Variants in PRKACB observed in about 807,000 individuals in gnomAD.
PRKACB encodes protein kinase cAMP-activated catalytic subunit beta.
A neutral mutation model predicts 51.4 loss-of-function variants in PRKACB; 16 were observed. The observed-to-expected ratio is 0.31, with a 90% CI of 0.21 to 0.47. The LOEUF is 0.47. PRKACB is among the 20% of genes least tolerant of loss of function. The pLI is 1.00. For synonymous variants in PRKACB, 147 were observed against 154.4 expected (o/e 0.95, Z 0.35); for missense variants, 309 against 464.5 (o/e 0.67, Z 3.08).
chr1:84,221,275 G>A (rs1304108161), intron 9 of PRKACB, among the ~76,000 whole-genome samples: 2 of 151,330 alleles, frequency 1.3e-5, no homozygotes, highest in African/African-American at 4.8e-5. Flanking sequence ...CTGTATTTCT[G>A]TGGTGTCAGT....
At chr1:84,154,671 C>G (rs2100660637) in intron 1 of PRKACB, among the ~76,000 whole-genome samples, 1 of 152,166 alleles carries the variant, frequency 6.6e-6, no homozygotes, top group African/African-American at 2.4e-5. Context: ...CAACAAAATA[C>G]TAGCAAATTA....
chr1:84,225,080 G>A (rs1674358928), intron 9 of PRKACB, among the ~76,000 whole-genome samples: 1 of 152,202 alleles, frequency 6.6e-6, no homozygotes, highest in Non-Finnish European at 1.5e-5. Context: ...GGCACTAGGA[G>A]GGGTGGCACT....
chr1:84,234,760 G>T (rs576879416), intron 9 of PRKACB, among the ~76,000 whole-genome samples: 11 of 152,340 alleles, frequency 7.2e-5, no homozygotes, highest in Non-Finnish European at 1.3e-4. Flanking sequence ...GCAATGCCTT[G>T]CCCTGCTTCG....
intron 9 of PRKACB, among the ~76,000 whole-genome samples, chr1:84,226,127 C>G (rs910432550): frequency 2.6e-5 from 4 of 151,992 alleles, no homozygotes; most frequent in African/African-American, 9.7e-5. Flanking sequence ...CCTTGTTTAC[C>G]CTTTCCAAAT....
chr1:84,182,534 C>T (rs1027949432), intron 3 of PRKACB, among the ~76,000 whole-genome samples: 7 of 151,918 alleles, frequency 4.6e-5, no homozygotes, highest in African/African-American at 1.2e-4. Context: ...ATGGGTTCCA[C>T]GTCCATGGAT....
chr1:84,155,478 A>G (rs1292141624), intron 1 of PRKACB, among the ~76,000 whole-genome samples: 1 of 152,198 alleles, frequency 6.6e-6, no homozygotes, highest in Non-Finnish European at 1.5e-5. Flanking sequence ...ATCTCTTCCA[A>G]AGTTTCAATG....
rs900838366 is a variant in PRKACB, at chr1:84,230,413, C to T, written c.1072-4767C>T. 3.3e-5 allele frequency among the ~76,000 whole-genome samples: 5 copies of T among 152,234 alleles called. No individual in the cohort carries two copies. In the East Asian group the frequency reaches 5.8e-4, roughly 18 times the overall value. On this transcript the variant is annotated intron_variant, in intron 9 of 9. Coordinates refer to ENST00000370685, the MANE Select transcript of PRKACB (RefSeq NM_182948.4). ...TTGGCTTAGGATTGATTTGGCGATG[C>T]GGGCTCTTTTTTGGTTCCATATGAA...
Position 84,144,373 on chromosome 1 carries a change from T to C in PRKACB, c.12T>C (p.Tyr4=). The C allele has an allele frequency of 1.9e-6, 3 of 1,610,224 alleles. No individual in the cohort carries two copies. The highest frequency in any genetic ancestry group is 2.5e-6 in the Non-Finnish European group (3 of 1,178,626). ...GTAAATGCACATGAATGGCAGCTTA[T>C]AGAGAACCACCTTGTAACCAGTATA... MAA[Y]REPPCNQYTG... The change falls in exon 1 of 10, where the codon TAT becomes TAC. Residue 4 remains tyrosine (Y), a synonymous_variant. Transcript: ENST00000370685.
At chr1:84,205,065 CT>C in intron 8 of PRKACB, 1 of 982,516 alleles carries the variant, frequency 1.0e-6, no homozygotes, top group Non-Finnish European at 1.2e-6. Flanking sequence ...CTGTTTTCCC[CT>C]TCATTTATTT....
intron 1 of PRKACB, among the ~76,000 whole-genome samples, chr1:84,112,225 CTTTTTTTTTTTTT>C (rs905575496): frequency 1.7e-5 from 2 of 120,040 alleles, no homozygotes; most frequent in African/African-American, 6.2e-5. Flanking sequence ...TGGACTGCTT[CTTTTTTTTTTTTT>C]TTTTTTTTGT....
intron 1 of PRKACB, chr1:84,086,010 G>C (rs1450354672): frequency 2.5e-6 from 2 of 794,776 alleles, no homozygotes; most frequent in Non-Finnish European, 4.5e-6. Flanking sequence ...TGTGGACCCT[G>C]CAAGATCCTG....
Position 84,235,562 on chromosome 1 carries a change from C to T in PRKACB, c.*257C>T. On this transcript the variant is annotated 3_prime_UTR_variant, in exon 10 of 10. Transcript: ENST00000370685. The stretch of plus-strand genomic sequence containing the variant: ...CTTCTCTTTGGGTTGTCTTTCTCCT[C>T]TCCTATATCCATTTCTTCCTTTTCC... The T allele has an allele frequency of 2.6e-6, 1 of 390,002 alleles. No homozygotes were observed. The highest frequency in any genetic ancestry group is 4.6e-6 in the Non-Finnish European group (1 of 217,684). The allele number at this position is 390,002 out of a possible 1,614,324, so 24.2% of individuals were successfully genotyped here. A position where few individuals can be genotyped will look rare whatever the true frequency, so the allele number is the denominator to read the frequency against.
chr1:84,124,489 G>T (rs1651386013), intron 1 of PRKACB, among the ~76,000 whole-genome samples: 1 of 152,112 alleles, frequency 6.6e-6, no homozygotes, highest in Non-Finnish European at 1.5e-5. Flanking sequence ...TGAAAATTGG[G>T]TTTCTATCGT....
intron 1 of PRKACB, among the ~76,000 whole-genome samples, chr1:84,163,632 T>C (rs1001263393): frequency 6.6e-6 from 1 of 152,060 alleles, no homozygotes; most frequent in Non-Finnish European, 1.5e-5. Context: ...TGACTCCCAC[T>C]GTTTTTAGGC....
intron 1 of PRKACB, among the ~76,000 whole-genome samples, chr1:84,128,016 T>C (rs1000042238): frequency 2.3e-3 from 341 of 145,454 alleles, no homozygotes; most frequent in African/African-American, 8.1e-3. Context: ...TCTTTTTTTT[T>C]TTTTTTTTTG....
upstream of PRKACB, among the ~76,000 whole-genome samples, chr1:84,141,638 T>C (rs1003539767): frequency 1.3e-5 from 2 of 152,006 alleles, no homozygotes; most frequent in Admixed American, 6.5e-5. Context: ...TTAAAGCTTA[T>C]GCATTGTTTT....
In PRKACB at chr1:84,078,282, G is replaced by GC. The variant is rs753631520; in HGVS notation, c.-38dup. 1.3e-5 allele frequency: 21 copies of GC among 1,565,182 alleles called. No individual in the cohort carries two copies. The East Asian group carries it at 3.0e-4, about 23-fold the overall frequency. On this transcript the variant is annotated 5_prime_UTR_variant, in exon 1 of 9. Transcript: ENST00000370688. ...CTGTGGAGTGGCGGGCACGGCCCCA[G>GC]CCCCCCTTCCCTTCCCTGACCCCTT... is the stretch of plus-strand genomic sequence containing the variant.
chr1:84,199,156 T>C (rs868650541), intron 7 of PRKACB, among the ~76,000 whole-genome samples: 37 of 149,510 alleles, frequency 2.5e-4, no homozygotes, highest in African/African-American at 8.5e-4. Flanking sequence ...AGCTTTATTT[T>C]AGCTTTCATT....
chr1:84,202,656 A>G (rs774180328), intron 7 of PRKACB, 27 bp from the exon 8 acceptor site: 35 of 1,568,218 alleles, frequency 2.2e-5, no homozygotes, highest in Non-Finnish European at 2.8e-5. Context: ...TTAAGTAACA[A>G]TTGACATTGG....
Sources: allele counts gnomAD v4.1 joint callset (sites outside exome capture counted in the v4.1 genomes callset), GRCh38; gene constraint gnomAD v4.1.1; transcripts MANE v1.5; gene names NCBI Gene and HGNC (gene_info 2026-07-23, HGNC 2026-07-21).